Variants in CADPS2 observed in about 807,000 individuals in gnomAD.
CADPS2 encodes calcium dependent secretion activator 2, also known as calcium-dependent secretion activator 2.
In CADPS2, 93 loss-of-function variants were observed where a neutral mutation model predicts 172.5. That is an observed-to-expected ratio of 0.54 (90% CI 0.46 to 0.64). The LOEUF (loss-of-function observed/expected upper bound fraction) is 0.64. Among genes scored for constraint, CADPS2 ranks in the 30% least tolerant of loss-of-function variants. The pLI is 0.00. For missense variants in CADPS2, 1,420 were observed against 1,565.9 expected, an observed-to-expected ratio of 0.91 and a Z score of 1.57; for synonymous variants, 546 against 555.2, an observed-to-expected ratio of 0.98 and a Z score of 0.23.
chr7:122,548,978 G>T (rs991448754), intron 8 of CADPS2, among the ~76,000 whole-genome samples: 3 of 152,124 alleles, frequency 2.0e-5, no homozygotes, highest in Non-Finnish European at 4.4e-5. Flanking sequence ...TTAAGCAAAG[G>T]ACCTAATAGG....
intron 1 of CADPS2, among the ~76,000 whole-genome samples, chr7:122,860,450 G>C (rs1816645989): frequency 1.3e-5 from 2 of 151,998 alleles, no homozygotes; most frequent in Non-Finnish European, 2.9e-5. Flanking sequence ...GGCCAGGCTT[G>C]TCTCAAACTC....
chr7:122,376,263 G>T (rs574702423), intron 25 of CADPS2, among the ~76,000 whole-genome samples: 4 of 152,252 alleles, frequency 2.6e-5, no homozygotes, highest in East Asian at 1.9e-4. Flanking sequence ...ATATCAGAGA[G>T]ATATCTGCAC....
chr7:122,440,002 A>G (rs2051145231), intron 16 of CADPS2, among the ~76,000 whole-genome samples: 1 of 152,156 alleles, frequency 6.6e-6, no homozygotes, highest in African/African-American at 2.4e-5. Flanking sequence ...GCAAAAAGGG[A>G]GATGCCAACC....
At chr7:122,505,807 G>A (rs903151822) in intron 9 of CADPS2, among the ~76,000 whole-genome samples, 1 of 152,114 alleles carries the variant, frequency 6.6e-6, no homozygotes, top group South Asian at 2.1e-4. Context: ...ATAAAATGTT[G>A]CCATATTTCA....
chr7:122,447,239 T>A (rs1253378242), intron 15 of CADPS2, among the ~76,000 whole-genome samples: 1 of 152,052 alleles, frequency 6.6e-6, no homozygotes, highest in Non-Finnish European at 1.5e-5. Context: ...CAATAGTTTG[T>A]TCATAATTCA....
At chr7:122,371,048 C>G (rs981815113) in intron 25 of CADPS2, among the ~76,000 whole-genome samples, 3 of 152,104 alleles carry the variant, frequency 2.0e-5, no homozygotes, top group African/African-American at 4.8e-5. Flanking sequence ...TCCTGAACTA[C>G]AAGGAATACA....
chr7:122,449,237 G>A (rs2052719640), intron 15 of CADPS2, among the ~76,000 whole-genome samples: 1 of 152,114 alleles, frequency 6.6e-6, no homozygotes, highest in Non-Finnish European at 1.5e-5. Context: ...GCAAAAAAGA[G>A]GGAAATTACA....
chr7:122,799,273 T>C (rs182495465), intron 1 of CADPS2, among the ~76,000 whole-genome samples: 2 of 152,246 alleles, frequency 1.3e-5, no homozygotes, highest in African/African-American at 2.4e-5. Flanking sequence ...TCTTTCTAGA[T>C]TGAGAGAAGA....
chr7:122,391,623 G>T (rs1382759756), intron 22 of CADPS2, among the ~76,000 whole-genome samples: 3 of 152,034 alleles, frequency 2.0e-5, no homozygotes, highest in African/African-American at 7.2e-5. Flanking sequence ...AAAAGCATTT[G>T]CCTGTAAGAA....
intron 7 of CADPS2, among the ~76,000 whole-genome samples, chr7:122,564,122 T>C (rs1166965318): frequency 1.3e-5 from 2 of 152,176 alleles, no homozygotes; most frequent in Non-Finnish European, 2.9e-5. Flanking sequence ...CACCTTAAAC[T>C]GTGAAGGTGA....
chr7:122,563,529 AAC>A (rs1418574465), intron 7 of CADPS2, among the ~76,000 whole-genome samples: 2 of 152,184 alleles, frequency 1.3e-5, no homozygotes, highest in African/African-American at 4.8e-5. Context: ...TCAAGATAAC[AAC>A]AGACACTTTC....
rs146697039 is a variant in CADPS2 at position 122,648,029 on chromosome 7, A to G, written c.786+15208T>C. ...TCAACCATCCAAGGAGTCTGCCCTT[A>G]TCAAAGTCAATAGTGTTTTCCAACT... On this transcript the variant is annotated intron_variant, in intron 3 of 29. Transcript: ENST00000449022. 2.3e-3 allele frequency among the ~76,000 whole-genome samples: 355 copies of G among 152,306 alleles called. 1 individual carries two copies. The highest frequency in any genetic ancestry group is 0.014 in the Middle Eastern group (4 of 294).
chr7:122,761,276 G>T (rs2093369955), intron 1 of CADPS2, among the ~76,000 whole-genome samples: 1 of 152,110 alleles, frequency 6.6e-6, no homozygotes, highest in Non-Finnish European at 1.5e-5. Context: ...TAAAAAGAAA[G>T]CTTCTTCCTC....
At chr7:122,857,036 T>C (rs1815442127) in intron 1 of CADPS2, among the ~76,000 whole-genome samples, 1 of 152,184 alleles carries the variant, frequency 6.6e-6, no homozygotes, top group Admixed American at 6.6e-5. Flanking sequence ...ATATTCATCA[T>C]GGCACAAATT....
chr7:122,651,905 T>C (rs2079189825), intron 3 of CADPS2, among the ~76,000 whole-genome samples: 1 of 152,220 alleles, frequency 6.6e-6, no homozygotes, highest in Admixed American at 6.5e-5. Flanking sequence ...TAGGATTACA[T>C]GCCTCTCTAT....
intron 1 of CADPS2, among the ~76,000 whole-genome samples, chr7:122,841,995 G>A (rs1410129134): frequency 1.3e-5 from 2 of 152,188 alleles, no homozygotes; most frequent in African/African-American, 2.4e-5. Flanking sequence ...GAAACCATTA[G>A]GGATGGGAAG....
At chr7:122,453,893 A>G (rs989456582) in intron 14 of CADPS2, among the ~76,000 whole-genome samples, 1 of 152,214 alleles carries the variant, frequency 6.6e-6, no homozygotes, top group Non-Finnish European at 1.5e-5. Flanking sequence ...TACAGAGTGA[A>G]GGACCACCAT....
chr7:122,610,076 G>A (rs553630013), intron 6 of CADPS2, among the ~76,000 whole-genome samples: 5 of 151,834 alleles, frequency 3.3e-5, no homozygotes, highest in East Asian at 1.9e-4. Context: ...CTCAGTGTTC[G>A]TGGGGAAACA....
chr7:122,656,485 C>T (rs1210024960), intron 3 of CADPS2, among the ~76,000 whole-genome samples: 2 of 152,126 alleles, frequency 1.3e-5, no homozygotes, highest in African/African-American at 4.8e-5. Context: ...TGGGAAGCTG[C>T]ATCCAGGGAA....
Sources: allele counts gnomAD v4.1 joint callset (sites outside exome capture counted in the v4.1 genomes callset), GRCh38; gene constraint gnomAD v4.1.1; transcripts MANE v1.5; gene names NCBI Gene and HGNC (gene_info 2026-07-23, HGNC 2026-07-21).